Variants in PDE4D observed in about 807,000 individuals in gnomAD.
PDE4D encodes the protein phosphodiesterase 4D.
A neutral mutation model predicts 87.4 loss-of-function variants in PDE4D; 24 were observed. The ratio of observed to expected loss-of-function variants is 0.27; its 90% CI spans 0.20 to 0.39. PDE4D has a LOEUF of 0.39. PDE4D is among the 10% of genes least tolerant of loss of function. The pLI, the probability that PDE4D is intolerant of heterozygous loss-of-function variation, is 1.00. For synonymous variants in PDE4D, 384 were observed against 383.2 expected (o/e 1.00, Z -0.02); for missense variants, 714 against 1,041.0 (o/e 0.69, Z 4.32).
chr5:59,695,078 C>G (rs1751552306), intron 1 of PDE4D, among the ~76,000 whole-genome samples: 1 of 152,232 alleles, frequency 6.6e-6, no homozygotes, highest in African/African-American at 2.4e-5. Context: ...ACTTTGAAAT[C>G]TCCATGGTCT....
At chr5:59,598,885 A>T (rs1036091908) in intron 1 of PDE4D, among the ~76,000 whole-genome samples, 1 of 152,156 alleles carries the variant, frequency 6.6e-6, no homozygotes, top group Non-Finnish European at 1.5e-5. Context: ...TCAAGGCTGC[A>T]GTGGGTGACA....
intron 2 of PDE4D, among the ~76,000 whole-genome samples, chr5:60,032,538 T>C (rs572092074): frequency 6.6e-5 from 10 of 152,340 alleles, no homozygotes; most frequent in Admixed American, 3.3e-4. Flanking sequence ...GTTACTTTGA[T>C]GTTGCGTAAA....
At chr5:59,394,539 A>C (rs1788939401) in intron 1 of PDE4D, among the ~76,000 whole-genome samples, 1 of 152,234 alleles carries the variant, frequency 6.6e-6, no homozygotes, top group Admixed American at 6.5e-5. Context: ...ATGCACTAGG[A>C]AATGAACACA....
At chr5:60,405,352 C>T (rs2150054333) in intron 1 of PDE4D, among the ~76,000 whole-genome samples, 1 of 152,364 alleles carries the variant, frequency 6.6e-6, no homozygotes, top group East Asian at 1.9e-4. Flanking sequence ...AACTCTCCTC[C>T]ATTCTCAACT....
intron 2 of PDE4D, among the ~76,000 whole-genome samples, chr5:59,214,273 A>C (rs903866384): frequency 5.9e-5 from 9 of 152,180 alleles, no homozygotes; most frequent in Non-Finnish European, 1.2e-4. Context: ...GAATATGATC[A>C]TGCCAAAACT....
At chr5:60,241,022 A>G (rs1183845653) in intron 1 of PDE4D, among the ~76,000 whole-genome samples, 10 of 152,138 alleles carry the variant, frequency 6.6e-5, no homozygotes, top group Non-Finnish European at 1.2e-4. Context: ...TCACCAAACA[A>G]TCTAATTAAG....
chr5:59,124,058 T>C (rs1775006253), intron 5 of PDE4D, among the ~76,000 whole-genome samples: 1 of 152,230 alleles, frequency 6.6e-6, no homozygotes, highest in Non-Finnish European at 1.5e-5. Flanking sequence ...GTATAACCTT[T>C]GGAAAATGTA....
At chr5:59,609,286 T>G (rs1336514950) in intron 1 of PDE4D, among the ~76,000 whole-genome samples, 1 of 151,968 alleles carries the variant, frequency 6.6e-6, no homozygotes, top group Non-Finnish European at 1.5e-5. Context: ...TGCACTTTCT[T>G]GCCCCTTTGA....
chr5:59,668,775 AAAGAAG>A, intron 1 of PDE4D, among the ~76,000 whole-genome samples: 1 of 137,140 alleles, frequency 7.3e-6, no homozygotes, highest in African/African-American at 2.8e-5. Context: ...GAAGAAGAAG[AAAGAAG>A]AAGAAGAAGA....
At chr5:59,756,865 T>A (rs1761316183) in intron 1 of PDE4D, among the ~76,000 whole-genome samples, 1 of 149,208 alleles carries the variant, frequency 6.7e-6, no homozygotes, top group South Asian at 2.1e-4. Context: ...TGGTGCAATC[T>A]CGGCTCAAAG....
At chr5:59,007,324 C>T (rs927663099) in intron 6 of PDE4D, among the ~76,000 whole-genome samples, 2 of 152,076 alleles carry the variant, frequency 1.3e-5, no homozygotes, top group African/African-American at 4.8e-5. Flanking sequence ...ATAACGTGGT[C>T]TCTCATATAT....
At chr5:59,356,480 T>C (rs1028063867) in intron 1 of PDE4D, among the ~76,000 whole-genome samples, 3 of 152,206 alleles carry the variant, frequency 2.0e-5, no homozygotes, top group Non-Finnish European at 2.9e-5. Context: ...GACAAGTTAA[T>C]ACACTGTTTT....
At chr5:59,429,236 T>C (rs114948135) in intron 1 of PDE4D, among the ~76,000 whole-genome samples, 2,327 of 152,308 alleles carry the variant, frequency 0.015, 73 homozygotes, top group African/African-American at 0.054. Context: ...CTGAGCCATG[T>C]TGGGTGTCTT....
chr5:59,541,765 C>G (rs1490470231), intron 1 of PDE4D, among the ~76,000 whole-genome samples: 2 of 152,242 alleles, frequency 1.3e-5, no homozygotes, highest in Non-Finnish European at 2.9e-5. Flanking sequence ...CTTTACCTTC[C>G]CTTCAGCTGA....
At chr5:59,622,195 G>A (rs1830422073) in intron 1 of PDE4D, among the ~76,000 whole-genome samples, 1 of 152,068 alleles carries the variant, frequency 6.6e-6, no homozygotes, top group East Asian at 1.9e-4. Flanking sequence ...ACACACATAT[G>A]CACACAAACA....
At chr5:59,856,969 A>G (rs924249885) in intron 1 of PDE4D, among the ~76,000 whole-genome samples, 1 of 152,194 alleles carries the variant, frequency 6.6e-6, no homozygotes, top group African/African-American at 2.4e-5. Context: ...AGATTTGGAA[A>G]TACAAGGAAT....
intron 1 of PDE4D, among the ~76,000 whole-genome samples, chr5:59,663,739 G>T (rs982159585): frequency 6.6e-6 from 1 of 152,060 alleles, no homozygotes; most frequent in Non-Finnish European, 1.5e-5. Flanking sequence ...TAAATTCACT[G>T]CATTTTCAGT....
chr5:59,006,132 G>A (rs1161226448), intron 6 of PDE4D, among the ~76,000 whole-genome samples: 2 of 152,220 alleles, frequency 1.3e-5, no homozygotes, highest in East Asian at 3.8e-4. Flanking sequence ...AAGGAACTGA[G>A]GTCCAGAAAA....
At chr5:59,657,360 A>T (rs941420651) in intron 1 of PDE4D, among the ~76,000 whole-genome samples, 6 of 152,108 alleles carry the variant, frequency 3.9e-5, no homozygotes, top group Non-Finnish European at 8.8e-5. Context: ...AAGGCTTGTG[A>T]TTTTTTCCCC....
Sources: allele counts gnomAD v4.1 joint callset (sites outside exome capture counted in the v4.1 genomes callset), GRCh38; gene constraint gnomAD v4.1.1; transcripts MANE v1.5; gene names NCBI Gene and HGNC (gene_info 2026-07-23, HGNC 2026-07-21).